The following GNAL variants were observed in gnomAD, a reference collection of about 807,000 sequenced individuals.
The protein encoded by GNAL is G protein subunit alpha L.
Under a neutral mutation model 55.1 loss-of-function variants are expected in GNAL, and 18 were observed. That is an observed-to-expected ratio of 0.33 (90% CI 0.23 to 0.48). GNAL has a LOEUF of 0.48. GNAL is among the 20% of genes least tolerant of loss of function. The probability of loss-of-function intolerance (pLI) is 0.99; values close to 1 mark genes in which losing one functional copy is unlikely to be tolerated. For synonymous variants in GNAL, 253 were observed against 237.0 expected (o/e 1.07, Z -0.62); for missense variants, 412 against 614.1 (o/e 0.67, Z 3.48).
chr18:11,858,673 T>TG (rs1343868115), intron 5 of GNAL, among the ~76,000 whole-genome samples: 1 of 152,196 alleles, frequency 6.6e-6, no homozygotes, highest in Non-Finnish European at 1.5e-5. Context: ...TTCAAAGAAT[T>TG]GGGGGCATAT....
intron 1 of GNAL, among the ~76,000 whole-genome samples, chr18:11,702,490 G>C (rs4797578): frequency 1.3e-5 from 2 of 152,342 alleles, no homozygotes; most frequent in East Asian, 3.9e-4. Context: ...TTGATTTGTA[G>C]AGCAGCTTGT....
At chr18:11,874,651 G>GAA (rs566156147) in intron 10 of GNAL, among the ~76,000 whole-genome samples, 1 of 129,708 alleles carries the variant, frequency 7.7e-6, no homozygotes, top group Non-Finnish European at 1.6e-5. Flanking sequence ...TTAGTCTCAA[G>GAA]AAAAAAAAAA....
intron 1 of GNAL, among the ~76,000 whole-genome samples, chr18:11,744,196 G>C (rs2143038650): frequency 6.6e-6 from 1 of 152,062 alleles, no homozygotes; most frequent in South Asian, 2.1e-4. Flanking sequence ...GTGTTATTTT[G>C]GTTTTTAAAG....
chr18:11,877,243 C>G (rs530417694), intron 11 of GNAL, among the ~76,000 whole-genome samples: 2 of 152,316 alleles, frequency 1.3e-5, no homozygotes, highest in South Asian at 4.1e-4. Flanking sequence ...CACCTGAGGT[C>G]AGGAGTTCGA....
At chr18:11,776,220 C>G (rs926617415) in intron 4 of GNAL, among the ~76,000 whole-genome samples, 18 of 152,186 alleles carry the variant, frequency 1.2e-4, no homozygotes, top group African/African-American at 4.3e-4. Flanking sequence ...TTGGGTTTCT[C>G]TAGCCACTTT....
chr18:11,788,466 G>A (rs2034121683), intron 4 of GNAL, among the ~76,000 whole-genome samples: 1 of 152,076 alleles, frequency 6.6e-6, no homozygotes, highest in African/African-American at 2.4e-5. Context: ...CATTTTCTCT[G>A]TACTTACACT....
chr18:11,695,529 T>C (rs988129662), intron 1 of GNAL, among the ~76,000 whole-genome samples: 2 of 152,246 alleles, frequency 1.3e-5, no homozygotes, highest in African/African-American at 4.8e-5. Context: ...ATTTTTCTGC[T>C]ATTGAGTCCA....
At chr18:11,742,636 G>C (rs540496242) in intron 1 of GNAL, among the ~76,000 whole-genome samples, 1 of 152,206 alleles carries the variant, frequency 6.6e-6, no homozygotes, top group Non-Finnish European at 1.5e-5. Flanking sequence ...CTGCCAACCT[G>C]CCTCCTGGGC....
intron 4 of GNAL, 35 bp from the exon 5 acceptor site, chr18:11,824,880 CTTT>C (rs113286306): frequency 9.7e-7 from 1 of 1,028,264 alleles, no homozygotes; most frequent in African/African-American, 1.7e-5. Context: ...GGTTATTACA[CTTT>C]TTTTTTTTTA....
intron 1 of GNAL, among the ~76,000 whole-genome samples, chr18:11,722,422 C>A (rs1181149255): frequency 6.6e-6 from 1 of 152,186 alleles, no homozygotes; most frequent in Non-Finnish European, 1.5e-5. Flanking sequence ...ATTATATATT[C>A]TTCTAGCATA....
chr18:11,790,661 C>CTTTT (rs397941591), intron 4 of GNAL, among the ~76,000 whole-genome samples: 4 of 71,446 alleles, frequency 5.6e-5, no homozygotes, highest in African/African-American at 7.6e-5. Context: ...CTTTTTTTTT[C>CTTTT]TTTTTTTTTT....
chr18:11,830,864 GAAAT>G (rs1439544450), intron 5 of GNAL, among the ~76,000 whole-genome samples: 3 of 152,146 alleles, frequency 2.0e-5, no homozygotes, highest in Non-Finnish European at 4.4e-5. Context: ...CTAAGTGAAA[GAAAT>G]AAGACACAAA....
chr18:11,715,334 A>G (rs1158116803), intron 1 of GNAL, among the ~76,000 whole-genome samples: 2 of 151,420 alleles, frequency 1.3e-5, no homozygotes, highest in African/African-American at 2.4e-5. Context: ...GGTGGTGGGC[A>G]CCTGTAGTCC....
intron 5 of GNAL, chr18:11,851,684 A>G (rs1260068235): frequency 3.1e-6 from 5 of 1,614,058 alleles, no homozygotes; most frequent in South Asian, 2.2e-5. Context: ...GCCATCCGCC[A>G]GAAGAACCAG....
At chr18:11,795,748 C>A (rs1339432794) in intron 4 of GNAL, among the ~76,000 whole-genome samples, 1 of 152,204 alleles carries the variant, frequency 6.6e-6, no homozygotes. Flanking sequence ...ACTCTGCTGC[C>A]ATCCAGGCCT....
chr18:11,826,533 C>T (rs2143660494), intron 5 of GNAL, among the ~76,000 whole-genome samples: 1 of 152,292 alleles, frequency 6.6e-6, no homozygotes, highest in East Asian at 1.9e-4. Flanking sequence ...CAGCCATAGG[C>T]TCCAAGCATG....
chr18:11,760,572 C>A (rs1168311391), intron 4 of GNAL, among the ~76,000 whole-genome samples: 1 of 152,126 alleles, frequency 6.6e-6, no homozygotes, highest in Non-Finnish European at 1.5e-5. Context: ...ATTATAGGGG[C>A]CCACTTAAGG....
chr18:11,696,009 C>G (rs1294725926), intron 1 of GNAL, among the ~76,000 whole-genome samples: 1 of 152,062 alleles, frequency 6.6e-6, no homozygotes, highest in Non-Finnish European at 1.5e-5. Context: ...ACTTTTTTCC[C>G]AAGTAAATGT....
chr18:11,702,756 G>T (rs1313100609), intron 1 of GNAL, among the ~76,000 whole-genome samples: 1 of 151,534 alleles, frequency 6.6e-6, no homozygotes, highest in East Asian at 2.0e-4. Flanking sequence ...AGCAGCTCTT[G>T]CCCCAGTGAG....
Sources: allele counts gnomAD v4.1 joint callset (sites outside exome capture counted in the v4.1 genomes callset), GRCh38; gene constraint gnomAD v4.1.1; transcripts MANE v1.5; gene names NCBI Gene and HGNC (gene_info 2026-07-23, HGNC 2026-07-21).